RAP1GDS1: variants seen among roughly 807,000 people sequenced by gnomAD.
RAP1GDS1 encodes the protein Rap1 GTPase-GDP dissociation stimulator 1, also known as RAP1, GTP-GDP dissociation stimulator 1.
RAP1GDS1 carries 35 observed loss-of-function variants against 71.1 expected under a neutral mutation model. The ratio of observed to expected loss-of-function variants is 0.49; its 90% CI spans 0.38 to 0.65. The LOEUF (loss-of-function observed/expected upper bound fraction) is 0.65, where lower values mean the gene tolerates loss of function less well. Among genes scored for constraint, RAP1GDS1 ranks in the 30% least tolerant of loss-of-function variants. The pLI, the probability that RAP1GDS1 is intolerant of heterozygous loss-of-function variation, is 0.00. For synonymous variants in RAP1GDS1, 229 were observed against 243.1 expected, an observed-to-expected ratio of 0.94 and a Z score of 0.54; for missense variants, 663 against 706.1, an observed-to-expected ratio of 0.94 and a Z score of 0.69.
intron 2 of RAP1GDS1, among the ~76,000 whole-genome samples, chr4:98,301,906 A>G (rs1728635352): frequency 6.6e-6 from 1 of 152,122 alleles, no homozygotes; most frequent in African/African-American, 2.4e-5. Flanking sequence ...GGAAACCACA[A>G]AATCAGAAGA....
intron 12 of RAP1GDS1, among the ~76,000 whole-genome samples, chr4:98,429,232 T>C (rs1351173484): frequency 1.4e-5 from 2 of 141,236 alleles, no homozygotes; most frequent in African/African-American, 2.7e-5. Context: ...CACTCCAGCC[T>C]GGGTAACAGT....
intron 1 of RAP1GDS1, among the ~76,000 whole-genome samples, chr4:98,265,242 A>G (rs937140492): frequency 2.0e-5 from 3 of 152,202 alleles, no homozygotes; most frequent in Non-Finnish European, 4.4e-5. Context: ...TTGGCAACCC[A>G]TTGAGTATGG....
chr4:98,404,560 A>G lies in RAP1GDS1; in HGVS notation c.721A>G (p.Arg241Gly). 6.2e-7 allele frequency: 1 copy of G among 1,605,492 alleles called. No individual in the cohort carries two copies. The highest frequency in any genetic ancestry group is 8.5e-7 in the Non-Finnish European group (1 of 1,176,886). Residue 241 changes from arginine to glycine, a missense_variant, in exon 7 of 15, where the codon AGA becomes GGA. Arg to Gly is a moderately radical substitution (Grantham distance 125). Transcript: ENST00000408927. Reference protein sequence around the residue: ...LFKKQIEHDKREMIFEVLAPL... With the variant: ...LFKKQIEHDKGEMIFEVLAPL... The stretch of plus-strand genomic sequence containing the variant: ...CAAGAAACAAATAGAACATGATAAG[A>G]GAGAAATGATTTTTGAAGTTCTTGC...
intron 1 of RAP1GDS1, among the ~76,000 whole-genome samples, chr4:98,278,625 C>T (rs1724578017): frequency 6.6e-6 from 1 of 152,052 alleles, no homozygotes. Context: ...CTGTGTATAG[C>T]CTTCAGCAAG....
At chr4:98,439,989 T>G (rs1352265107) in intron 14 of RAP1GDS1, among the ~76,000 whole-genome samples, 5 of 152,158 alleles carry the variant, frequency 3.3e-5, no homozygotes, top group Non-Finnish European at 5.9e-5. Context: ...AACCAATAAC[T>G]CCCCATTTAC....
chr4:98,266,668 T>C (rs1722751497), intron 1 of RAP1GDS1, among the ~76,000 whole-genome samples: 1 of 152,206 alleles, frequency 6.6e-6, no homozygotes, highest in Admixed American at 6.5e-5. Context: ...TTTAAAAATT[T>C]TTCTTATGTT....
chr4:98,262,794 CTGGGAA>C (rs527469114), intron 1 of RAP1GDS1, among the ~76,000 whole-genome samples: 1 of 152,266 alleles, frequency 6.6e-6, no homozygotes, highest in South Asian at 2.1e-4. Context: ...GTATCTAAAC[CTGGGAA>C]TGGTGTCCAT....
Position 98,302,890 on chromosome 4 carries a change from A to G in RAP1GDS1, c.112+9375A>G, listed in dbSNP as rs140913069. Among the ~76,000 whole-genome samples the G allele has an allele frequency of 4.3e-3, 660 of 152,278 alleles. 10 individuals carry two copies. The highest frequency in any genetic ancestry group is 0.015 in the African/African-American group (633 of 41,548). On this transcript the variant is annotated intron_variant, in intron 2 of 14. Coordinates refer to ENST00000408927, the MANE Select transcript of RAP1GDS1 (RefSeq NM_001100427.2). ...GCAAAACCTCGTCTCTACTAAAAAT[A>G]CAAAAATTAGCCGAGTCTGGTCATG...
chr4:98,429,771 A>C (rs900093860), intron 12 of RAP1GDS1, among the ~76,000 whole-genome samples: 3 of 152,130 alleles, frequency 2.0e-5, no homozygotes, highest in Non-Finnish European at 4.4e-5. Context: ...GTTTTGGCAA[A>C]CCATAATTGT....
intron 7 of RAP1GDS1, 81 bp from the exon 8 acceptor site, chr4:98,416,664 T>C (rs923219865): frequency 5.6e-5 from 76 of 1,355,762 alleles, no homozygotes; most frequent in Admixed American, 1.4e-4. Context: ...TAGTTTCTTA[T>C]AATTCTTTAT....
chr4:98,349,559 G>A (rs749500402), intron 3 of RAP1GDS1, among the ~76,000 whole-genome samples: 1 of 152,194 alleles, frequency 6.6e-6, no homozygotes, highest in Admixed American at 6.5e-5. Flanking sequence ...ACTTTGGGCA[G>A]TATGGCCATT....
At chr4:98,343,729 T>G (rs2110398881) in intron 3 of RAP1GDS1, among the ~76,000 whole-genome samples, 1 of 152,322 alleles carries the variant, frequency 6.6e-6, no homozygotes, top group South Asian at 2.1e-4. Flanking sequence ...CACCATATAT[T>G]TCTTAAGTTT....
chr4:98,421,306 T>G lies in RAP1GDS1; in HGVS notation c.1352T>G (p.Val451Gly). 6.2e-7 allele frequency: 1 copy of G among 1,611,884 alleles called. No individual in the cohort carries two copies. The highest frequency in any genetic ancestry group is 1.7e-5 in the Admixed American group (1 of 59,890). The part of the protein sequence containing the change: ...GKNVKLVERL[V>G]EWCEAKDHAG... The stretch of plus-strand genomic sequence containing the variant: ...AATGTTAAGTTAGTGGAGCGTTTGG[T>G]GGAATGGTGTGAAGCCAAAGATCAT... Residue 451 changes from valine to glycine, a missense_variant, in exon 12 of 15, where the codon GTG becomes GGG. Val to Gly is a moderately radical substitution (Grantham distance 109, BLOSUM62 -3). Coordinates refer to ENST00000408927, the MANE Select transcript of RAP1GDS1 (RefSeq NM_001100427.2).
At chr4:98,436,049 C>T (rs1352987389) in intron 13 of RAP1GDS1, among the ~76,000 whole-genome samples, 3 of 149,184 alleles carry the variant, frequency 2.0e-5, no homozygotes, top group East Asian at 2.0e-4. Context: ...CCAGCCTGGG[C>T]GACAGAGCCA....
chr4:98,420,840 A>G (rs747150893), intron 11 of RAP1GDS1, among the ~76,000 whole-genome samples: 3 of 152,134 alleles, frequency 2.0e-5, no homozygotes, highest in Non-Finnish European at 4.4e-5. Context: ...AAAATTTTTT[A>G]AATTTGTCTT....
At chr4:98,365,668 C>A (rs1292054774) in intron 4 of RAP1GDS1, among the ~76,000 whole-genome samples, 1 of 152,116 alleles carries the variant, frequency 6.6e-6, no homozygotes, top group Non-Finnish European at 1.5e-5. Context: ...TGAATAAATT[C>A]ACTTTTTCCT....
chr4:98,366,136 A>G (rs1315185046), intron 4 of RAP1GDS1, among the ~76,000 whole-genome samples: 1 of 152,080 alleles, frequency 6.6e-6, no homozygotes, highest in Non-Finnish European at 1.5e-5. Context: ...CCCAAATCTC[A>G]TCTTGAATTC....
At chr4:98,429,888 T>A (rs1750148097) in intron 12 of RAP1GDS1, among the ~76,000 whole-genome samples, 1 of 151,986 alleles carries the variant, frequency 6.6e-6, no homozygotes, top group African/African-American at 2.4e-5. Context: ...TAATCTAGTA[T>A]CTTCAGTATC....
At chr4:98,401,384 G>C (rs942991259) in intron 6 of RAP1GDS1, among the ~76,000 whole-genome samples, 4 of 152,176 alleles carry the variant, frequency 2.6e-5, no homozygotes, top group African/African-American at 9.7e-5. Context: ...AGATGATGGA[G>C]AGTATGGTGA....
Sources: gnomAD v4.1 joint callset for allele counts (sites outside exome capture counted in the v4.1 genomes callset) on GRCh38, gnomAD v4.1.1 for gene constraint, MANE v1.5 for transcripts, NCBI Gene and HGNC (gene_info 2026-07-23, HGNC 2026-07-21) for gene names.